Variants in XIRP2 observed in about 807,000 individuals in gnomAD.
The protein encoded by XIRP2 is xin actin binding repeat containing 2, also known as xin actin-binding repeat-containing protein 2.
XIRP2 carries 236 observed loss-of-function variants against 277.0 expected under a neutral mutation model. The ratio of observed to expected loss-of-function variants is 0.85; its 90% CI spans 0.77 to 0.95. The LOEUF (loss-of-function observed/expected upper bound fraction) is 0.95. XIRP2 is among the 40% of genes least tolerant of loss of function. The probability of loss-of-function intolerance (pLI) is 0.00; values close to 1 mark genes in which losing one functional copy is unlikely to be tolerated. For missense variants in XIRP2, 4,640 were observed against 4,157.5 expected, an observed-to-expected ratio of 1.12 and a Z score of -3.19; for synonymous variants, 1,490 against 1,416.5, an observed-to-expected ratio of 1.05 and a Z score of -1.17.
In XIRP2 at chr2:167,251,029, G is replaced by C; in HGVS notation, c.9637G>C (p.Glu3213Gln). ...TPVPIVEKRS[E>Q]IIMSPATLRR... ...GGTTCCAATTGTAGAGAAGAGGTCT[G>C]AAATCATCATGTCTCCTGCAACACT... The change falls in exon 9 of 11, where the codon GAA becomes CAA. Residue 3213 changes from glutamate (E) to glutamine (Q), a missense_variant. Coordinates refer to ENST00000409195, the MANE Select transcript of XIRP2 (RefSeq NM_152381.6). The C allele has an allele frequency of 2.5e-6, 4 of 1,613,676 alleles. No individual in the cohort carries two copies. Among genetic ancestry groups the C allele is most frequent in the Non-Finnish European group, 3.4e-6 (4 of 1,179,758 alleles).
At chr2:167,005,103 TA>T (rs1393696293) in intron 2 of XIRP2, among the ~76,000 whole-genome samples, 2 of 151,856 alleles carry the variant, frequency 1.3e-5, no homozygotes, top group African/African-American at 4.8e-5. Context: ...TGGTGGGGGT[TA>T]TCATACCTCT....
rs201253811 is a variant in XIRP2 at position 167,246,140 on chromosome 2, C to T, written c.4748C>T (p.Ala1583Val). 1.1e-4 allele frequency: 184 copies of T among 1,612,906 alleles called. No homozygotes were observed. Among genetic ancestry groups the T allele is most frequent in the Non-Finnish European group, 1.5e-4 (179 of 1,179,670 alleles). Residue 1583 changes from alanine to valine, a missense_variant, in exon 9 of 11, where the codon GCA becomes GTA. Coordinates refer to ENST00000409195, the MANE Select transcript of XIRP2 (RefSeq NM_152381.6). Reference protein sequence around the residue: ...EADEIGDVRMAKYKLMNQASP... With the variant: ...EADEIGDVRMVKYKLMNQASP... ...GATGAAATAGGGGATGTTCGAATGG[C>T]AAAATACAAGCTAATGAACCAAGCA... is the stretch of plus-strand genomic sequence containing the variant.
rs764159747 is a variant in XIRP2 at position 167,243,660 on chromosome 2, T to C, written c.2268T>C (p.Thr756=). Residue 756 remains threonine (T), a synonymous_variant, in exon 9 of 11, where the codon ACT becomes ACC. Transcript: ENST00000409195. ...DGSGQMLEIK[T]VHREDVEKGD... is the part of the protein sequence containing the mutation. Reference sequence around the variant, plus strand: ...CGGGCCAAATGCTGGAAATTAAAACTGTTCACAGAGAAGACGTTGAAAAGG... The same window carrying C: ...CGGGCCAAATGCTGGAAATTAAAACCGTTCACAGAGAAGACGTTGAAAAGG... The C allele has an allele frequency of 6.2e-7, 1 of 1,613,948 alleles. No homozygotes were observed. Among genetic ancestry groups the C allele is most frequent in the Non-Finnish European group, 8.5e-7 (1 of 1,179,966 alleles).
At chr2:166,913,112 C>T (rs1336991344) in intron 2 of XIRP2, among the ~76,000 whole-genome samples, 1 of 152,142 alleles carries the variant, frequency 6.6e-6, no homozygotes. Flanking sequence ...GCTGGGAGAA[C>T]CACTACTCAC....
Position 167,243,752 on chromosome 2 carries a change from C to G in XIRP2, c.2360C>G (p.Thr787Arg), listed in dbSNP as rs1447346528. 1 of 1,613,920 alleles carries G rather than the reference C, an allele frequency of 6.2e-7. No individual in the cohort carries two copies. Among genetic ancestry groups the G allele is most frequent in the East Asian group, 2.2e-5 (1 of 44,846 alleles). ...QPLDTINKDI[T>R]EIKVVRGISM... ...TTGGACACAATTAACAAAGATATCACAGAAATTAAAGTTGTCCGAGGAATA... is the reference window on the plus strand; with the variant it reads ...TTGGACACAATTAACAAAGATATCAGAGAAATTAAAGTTGTCCGAGGAATA... The change falls in exon 9 of 11, where the codon ACA becomes AGA. Residue 787 changes from threonine to arginine, a missense_variant. Coordinates refer to ENST00000409195, the MANE Select transcript of XIRP2 (RefSeq NM_152381.6).
chr2:167,150,519 A>G lies in XIRP2; in HGVS notation c.562+14457A>G, dbSNP rs1012157105. Among the ~76,000 whole-genome samples, 5 of 152,094 alleles carry G rather than the reference A, an allele frequency of 3.3e-5. 1 individual carries two copies. The highest frequency in any genetic ancestry group is 3.3e-4 in the Admixed American group (5 of 15,260). On this transcript the variant is annotated intron_variant, in intron 3 of 10. Transcript: ENST00000409195. ...AGTTTAAATGCCAATTACATAAGCG[A>G]ATGACTGAATAAATCATGATTCATC...
At chr2:167,160,872 C>G (rs1462455915) in intron 3 of XIRP2, among the ~76,000 whole-genome samples, 1 of 152,208 alleles carries the variant, frequency 6.6e-6, no homozygotes, top group East Asian at 1.9e-4. Context: ...TGAGACAAGG[C>G]AAGTTCCTTC....
intron 2 of XIRP2, among the ~76,000 whole-genome samples, chr2:167,086,852 T>G (rs889591157): frequency 2.9e-4 from 44 of 151,848 alleles, no homozygotes; most frequent in Middle Eastern, 3.4e-3. Context: ...TTCTAAATTT[T>G]TTTCAAAGTT....
intron 2 of XIRP2, among the ~76,000 whole-genome samples, chr2:167,009,810 A>G (rs1021600938): frequency 5.9e-5 from 9 of 152,172 alleles, no homozygotes; most frequent in East Asian, 1.9e-4. Flanking sequence ...CTTCTCTGAT[A>G]GCCAGTGACG....
intron 5 of XIRP2, among the ~76,000 whole-genome samples, chr2:167,233,757 T>G (rs562210151): frequency 8.4e-4 from 128 of 151,926 alleles, no homozygotes; most frequent in African/African-American, 3.0e-3. Flanking sequence ...CCTGTAAGAC[T>G]CTAAGTTTCA....
intron 2 of XIRP2, among the ~76,000 whole-genome samples, chr2:166,943,283 A>T (rs887218924): frequency 6.6e-6 from 1 of 152,186 alleles, no homozygotes. Flanking sequence ...TCCATTTTTA[A>T]TTTTAAATAT....
In XIRP2 at chr2:167,251,025, G is replaced by A. The variant is rs1695480062; in HGVS notation, c.9633G>A (p.Arg3211=). 1.9e-6 allele frequency: 3 copies of A among 1,613,604 alleles called. No homozygotes were observed. Among genetic ancestry groups the A allele is most frequent in the African/African-American group, 1.3e-5 (1 of 74,968 alleles). The part of the protein sequence containing the change: ...AATPVPIVEK[R]SEIIMSPATL... ...CCCCGGTTCCAATTGTAGAGAAGAG[G>A]TCTGAAATCATCATGTCTCCTGCAA... is the stretch of plus-strand genomic sequence containing the variant. Residue 3211 remains arginine (R), a synonymous_variant, in exon 9 of 11, where the codon AGG becomes AGA. Coordinates refer to ENST00000409195, the MANE Select transcript of XIRP2 (RefSeq NM_152381.6).
intron 3 of XIRP2, among the ~76,000 whole-genome samples, chr2:167,175,871 C>T (rs1394197201): frequency 1.3e-5 from 2 of 152,166 alleles, no homozygotes; most frequent in Non-Finnish European, 2.9e-5. Context: ...AGTCTGGCTA[C>T]AGCAGCTTTG....
intron 2 of XIRP2, among the ~76,000 whole-genome samples, chr2:167,038,114 G>A (rs892418773): frequency 6.6e-6 from 1 of 151,894 alleles, no homozygotes; most frequent in African/African-American, 2.4e-5. Context: ...AAAATAATTG[G>A]TGTCAGCTAC....
chr2:166,958,783 CTT>C (rs1354198999), intron 2 of XIRP2, among the ~76,000 whole-genome samples: 1 of 151,724 alleles, frequency 6.6e-6, no homozygotes, highest in Non-Finnish European at 1.5e-5. Flanking sequence ...CTTGCCATGT[CTT>C]TTTCCCGCAA....
intron 1 of XIRP2, among the ~76,000 whole-genome samples, chr2:166,888,989 T>C (rs1448422828): frequency 3.9e-5 from 6 of 152,018 alleles, no homozygotes; most frequent in African/African-American, 1.5e-4. Context: ...TTCCATTGAG[T>C]CAGGTCAGAG....
At chr2:167,133,772 A>G (rs1016613499) in intron 2 of XIRP2, among the ~76,000 whole-genome samples, 1 of 152,194 alleles carries the variant, frequency 6.6e-6, no homozygotes, top group Non-Finnish European at 1.5e-5. Context: ...TACTGCGTTC[A>G]TGTCATAGCA....
intron 5 of XIRP2, among the ~76,000 whole-genome samples, chr2:167,237,267 A>G (rs1009538048): frequency 1.7e-4 from 26 of 152,202 alleles, no homozygotes; most frequent in Non-Finnish European, 3.4e-4. Context: ...GTCCCAGAAA[A>G]TAACTTTTAA....
At chr2:167,092,200 A>G (rs1488805218) in intron 2 of XIRP2, among the ~76,000 whole-genome samples, 2 of 152,124 alleles carry the variant, frequency 1.3e-5, no homozygotes, top group Non-Finnish European at 2.9e-5. Context: ...AGCCCATTCT[A>G]TATATCACAA....
Sources: allele counts gnomAD v4.1 joint callset (sites outside exome capture counted in the v4.1 genomes callset), GRCh38; gene constraint gnomAD v4.1.1; transcripts MANE v1.5; gene names NCBI Gene and HGNC (gene_info 2026-07-23, HGNC 2026-07-21).